Variants in LAPTM5 observed in about 807,000 individuals in gnomAD.
LAPTM5 encodes the protein lysosomal protein transmembrane 5.
LAPTM5 carries 11 observed loss-of-function variants against 30.1 expected under a neutral mutation model. The observed-to-expected ratio is 0.37, with a 90% CI of 0.23 to 0.60. The LOEUF is 0.60. Ranked by LOEUF, LAPTM5 falls within the 20% of genes least tolerant of loss-of-function variation. The pLI is 0.71. For missense variants in LAPTM5, 324 were observed against 332.5 expected (o/e 0.97, Z 0.20); for synonymous variants, 151 against 137.9 (o/e 1.10, Z -0.67).
In LAPTM5 at chr1:30,752,371, G is replaced by T. The variant is rs144033203; in HGVS notation, c.87+5288C>A. The stretch of plus-strand genomic sequence containing the variant: ...TTGTAAAAGCAAAGGACTCGGGCAG[G>T]TCCCACCCCTGGGGACCTCTCCACC... On this transcript the variant is annotated intron_variant, in intron 1 of 7. Transcript: ENST00000294507. Among the ~76,000 whole-genome samples, 1,319 of 152,174 alleles carry T rather than the reference G, an allele frequency of 8.7e-3. 24 individuals carry two copies. The highest frequency in any genetic ancestry group is 0.028 in the African/African-American group (1,177 of 41,500).
rs537520661 is a variant in LAPTM5, at chr1:30,750,425, T to C, written c.87+7234A>G. On this transcript the variant is annotated intron_variant, in intron 1 of 7. Transcript: ENST00000294507. ...CCCTCTGTATCACGGGCTCTGCATC[T>C]GAGTATTTTCAATCTGCAATCCACG... Among the ~76,000 whole-genome samples, 9 of 152,360 alleles carry C rather than the reference T, an allele frequency of 5.9e-5. No homozygotes were observed. In the South Asian group the frequency reaches 1.9e-3, roughly 32 times the overall value.
chr1:30,743,872 G>A (rs1046449013), intron 1 of LAPTM5, among the ~76,000 whole-genome samples: 3 of 147,152 alleles, frequency 2.0e-5, no homozygotes, highest in African/African-American at 5.0e-5. Context: ...CTGTTTAGGG[G>A]CGTGGAAAGG....
intron 1 of LAPTM5, among the ~76,000 whole-genome samples, chr1:30,749,354 G>A (rs1489146961): frequency 6.6e-6 from 1 of 152,178 alleles, no homozygotes; most frequent in Non-Finnish European, 1.5e-5. Flanking sequence ...CGAGGCGGGG[G>A]CTCTAGGGGC....
At chr1:30,749,778 T>C (rs145158983) in intron 1 of LAPTM5, among the ~76,000 whole-genome samples, 115 of 152,292 alleles carry the variant, frequency 7.6e-4, no homozygotes, top group African/African-American at 2.2e-3. Flanking sequence ...CAGAGGCCAG[T>C]GTGCATGAGA....
chr1:30,733,928 CAG>C lies in LAPTM5; in HGVS notation c.700-13_700-12del. Reference sequence around the variant, plus strand: ...GGACGGCAGGACCACCTGGGAGAGACAGAGAGATGAGGGCTGAGTATGGTCAA... The same window carrying C: ...GGACGGCAGGACCACCTGGGAGAGACAGAGATGAGGGCTGAGTATGGTCAA... On this transcript the variant is annotated splice_polypyrimidine_tract_variant and intron_variant, in intron 7 of 7. Transcript: ENST00000294507. The C allele has an allele frequency of 6.2e-7, 1 of 1,610,190 alleles. No homozygotes were observed. The highest frequency in any genetic ancestry group is 8.5e-7 in the Non-Finnish European group (1 of 1,179,054).
chr1:30,738,372 A>G (rs965925066), intron 5 of LAPTM5, among the ~76,000 whole-genome samples: 4 of 152,148 alleles, frequency 2.6e-5, no homozygotes, highest in Admixed American at 6.5e-5. Context: ...CAGCACTACT[A>G]CAAGTCCACA....
intron 3 of LAPTM5, among the ~76,000 whole-genome samples, chr1:30,740,588 A>T (rs1639955975): frequency 6.6e-6 from 1 of 151,978 alleles, no homozygotes. Flanking sequence ...TGGGGACAAA[A>T]TCACTGCAAC....
chr1:30,735,026 T>G (rs759488183), intron 7 of LAPTM5, 147 bp downstream of exon 7: 1 of 674,414 alleles, frequency 1.5e-6, no homozygotes, highest in East Asian at 2.5e-5. Context: ...AATCTTAGAC[T>G]ACCAGAACTG....
At chr1:30,747,745 T>C (rs1160843893) in intron 1 of LAPTM5, among the ~76,000 whole-genome samples, 2 of 152,038 alleles carry the variant, frequency 1.3e-5, no homozygotes, top group East Asian at 1.9e-4. Context: ...GTATTGAACA[T>C]GGCTGGGCAA....
Position 30,741,158 on chromosome 1 carries a change from G to A in LAPTM5, c.258+482C>T, listed in dbSNP as rs558056175. 2.0e-3 allele frequency among the ~76,000 whole-genome samples: 298 copies of A among 152,268 alleles called. 1 individual carries two copies. Among genetic ancestry groups the A allele is most frequent in the Non-Finnish European group, 3.6e-3 (247 of 68,020 alleles). On this transcript the variant is annotated intron_variant, in intron 3 of 7. Transcript: ENST00000294507. Reference sequence around the variant, plus strand: ...CAATCAGATCATGAGCTCTCTGGGGGCCTTCCAGGGCGTAGGTCCCCCTCA... The same window carrying A: ...CAATCAGATCATGAGCTCTCTGGGGACCTTCCAGGGCGTAGGTCCCCCTCA...
intron 1 of LAPTM5, among the ~76,000 whole-genome samples, chr1:30,757,201 C>T (rs1015558650): frequency 1.3e-5 from 2 of 152,228 alleles, no homozygotes; most frequent in Non-Finnish European, 2.9e-5. Context: ...AGGCTCCCTC[C>T]AGGCCCCAGG....
chr1:30,742,408 T>A, intron 2 of LAPTM5, 48 bp downstream of exon 2: 1 of 1,398,208 alleles, frequency 7.2e-7, no homozygotes. Flanking sequence ...GCCAGGGCCC[T>A]CCCTGTCCTC....
rs945664630 is a variant in LAPTM5, at chr1:30,733,401, G to C, written c.*427C>G. The C allele has an allele frequency of 1.3e-5, 8 of 596,156 alleles. No homozygotes were observed. The highest frequency in any genetic ancestry group is 1.5e-5 in the Non-Finnish European group (6 of 409,834). 36.9% of individuals were successfully genotyped at this position (596,156 alleles called of 1,614,324 possible). A position where few individuals can be genotyped will look rare whatever the true frequency, so the allele number is the denominator to read the frequency against. On this transcript the variant is annotated 3_prime_UTR_variant, in exon 8 of 8. Transcript: ENST00000294507. ...ACTTGATTAAATTGCTATGTGAACT[G>C]ACAACTATTTATAAATCAATGCAAT...
intron 1 of LAPTM5, among the ~76,000 whole-genome samples, chr1:30,756,217 G>C (rs896765020): frequency 6.6e-6 from 1 of 152,142 alleles, no homozygotes; most frequent in Admixed American, 6.5e-5. Flanking sequence ...TAAAATACAG[G>C]GTACAGGGAC....
intron 1 of LAPTM5, among the ~76,000 whole-genome samples, chr1:30,756,872 G>C (rs557103148): frequency 6.6e-6 from 1 of 152,304 alleles, no homozygotes; most frequent in African/African-American, 2.4e-5. Context: ...GGTGGGTCTA[G>C]GCAGGACAGT....
Position 30,739,339 on chromosome 1 carries a change from A to C in LAPTM5, c.388-277T>G. 1 of 322,718 alleles carries C rather than the reference A, an allele frequency of 3.1e-6. No homozygotes were observed. Among genetic ancestry groups the C allele is most frequent in the Non-Finnish European group, 5.8e-6 (1 of 171,980 alleles). The allele number at this position is 322,718 out of a possible 1,614,324, so 20.0% of individuals were successfully genotyped here. ...TCAAGGACAACAGTTGGGGAGAGTG[A>C]GAAAAGCAGGTTTGGGAGACTGTGT... On this transcript the variant is annotated intron_variant, in intron 4 of 7. Transcript: ENST00000294507. This position sits in a 1 kb window ranked among gnomAD's most constrained non-coding sequence, Gnocchi z 4.2.
chr1:30,736,911 A>G (rs922112303), intron 6 of LAPTM5, among the ~76,000 whole-genome samples: 1 of 152,194 alleles, frequency 6.6e-6, no homozygotes, highest in African/African-American at 2.4e-5. Context: ...TTCAGGTATT[A>G]AGAAACAGCA....
rs1639933686 is a variant in LAPTM5 at position 30,739,271 on chromosome 1, C to T, written c.388-209G>A. Reference sequence around the variant, plus strand: ...CAAGACTAGAACCAAGGTCTCCAGACTCCCGGGCCAGGGCCCTTCCATGAT... The same window carrying T: ...CAAGACTAGAACCAAGGTCTCCAGATTCCCGGGCCAGGGCCCTTCCATGAT... On this transcript the variant is annotated intron_variant, in intron 4 of 7. Coordinates refer to ENST00000294507, the MANE Select transcript of LAPTM5 (RefSeq NM_006762.3). This position sits in a 1 kb window ranked among gnomAD's most constrained non-coding sequence, Gnocchi z 4.2. 2.5e-5 allele frequency: 14 copies of T among 557,644 alleles called. No individual in the cohort carries two copies. The South Asian group carries it at 2.9e-4, about 12-fold the overall frequency. 34.5% of individuals were successfully genotyped at this position (557,644 alleles called of 1,614,324 possible).
intron 1 of LAPTM5, among the ~76,000 whole-genome samples, chr1:30,752,519 G>A (rs1260340387): frequency 1.3e-5 from 2 of 152,124 alleles, no homozygotes; most frequent in Non-Finnish European, 1.5e-5. Context: ...CCCGCCCAGC[G>A]TGACCTCTTT....
Sources: allele counts gnomAD v4.1 joint callset (sites outside exome capture counted in the v4.1 genomes callset), GRCh38; gene constraint gnomAD v4.1.1; non-coding constraint Gnocchi (gnomAD v3.1); transcripts MANE v1.5; gene names NCBI Gene and HGNC (gene_info 2026-07-23, HGNC 2026-07-21).